TOP1: variants seen among roughly 807,000 people sequenced by gnomAD.
The protein encoded by TOP1 is DNA topoisomerase 1.
A neutral mutation model predicts 111.1 loss-of-function variants in TOP1; 10 were observed. That is an observed-to-expected ratio of 0.09 (90% CI 0.06 to 0.15). The LOEUF is 0.15. Among genes scored for constraint, TOP1 ranks in the 10% least tolerant of loss-of-function variants. The probability of loss-of-function intolerance (pLI) is 1.00; values close to 1 mark genes in which losing one functional copy is unlikely to be tolerated. For synonymous variants in TOP1, 271 were observed against 302.9 expected, an observed-to-expected ratio of 0.89 and a Z score of 1.10; for missense variants, 474 against 926.7, an observed-to-expected ratio of 0.51 and a Z score of 6.34.
At chr20:41,059,018 G>A (rs2033509704) in intron 2 of TOP1, among the ~76,000 whole-genome samples, 1 of 152,066 alleles carries the variant, frequency 6.6e-6, no homozygotes, top group South Asian at 2.1e-4. Context: ...TCCTTTGCAG[G>A]AACATGGATG....
chr20:41,120,931 C>T (rs571924462), intron 18 of TOP1, among the ~76,000 whole-genome samples: 3 of 152,210 alleles, frequency 2.0e-5, no homozygotes, highest in African/African-American at 7.2e-5. Flanking sequence ...TTAGTAGAGA[C>T]GGGGTTTCAC....
rs904671456 is a variant in TOP1, at chr20:41,028,976, C to T, written c.-92C>T. On this transcript the variant is annotated 5_prime_UTR_variant, in exon 1 of 21. Coordinates refer to ENST00000361337, the MANE Select transcript of TOP1 (RefSeq NM_003286.4). ...GCTTACCTGCGCCTCCTCGAGCCTC[C>T]GGAGTCCCCGTCCGCCCGCACAGGC... The T allele has an allele frequency of 3.5e-6, 4 of 1,141,608 alleles. No individual in the cohort carries two copies. The African/African-American group carries it at 4.8e-5, about 14-fold the overall frequency. The allele number at this position is 1,141,608 out of a possible 1,614,324, so 70.7% of individuals were successfully genotyped here.
rs1421160033 is a variant in TOP1, at chr20:41,106,596, TAAAGGTTTTACATTTAA to T, written c.1308+5247_1308+5263del. Among the ~76,000 whole-genome samples, 1 of 152,228 alleles carries T rather than the reference TAAAGGTTTTACATTTAA, an allele frequency of 6.6e-6. No individual in the cohort carries two copies. The highest frequency in any genetic ancestry group is 1.5e-5 in the Non-Finnish European group (1 of 68,026). On this transcript the variant is annotated intron_variant, in intron 13 of 20. Transcript: ENST00000361337. The surrounding 1 kb of genome is among the most constrained non-coding windows in gnomAD (Gnocchi z 4.3). ...CAATATGGTTTTGTAATTTTCTTCA[TAAAGGTTTTACATTTAA>T]AAAATTCTTATTTTTAAGTGATCTT...
At position 41,112,082 on chromosome 20, in the gene TOP1, C is replaced by T. The variant is rs1017343680; in HGVS notation, c.1309-700C>T. ...TCCCAGAAACATAGTTTCTCTCAAT[C>T]TCATCAAGAAATGCTTTTAAATGCA... On this transcript the variant is annotated intron_variant, in intron 13 of 20. Coordinates refer to ENST00000361337, the MANE Select transcript of TOP1 (RefSeq NM_003286.4). This position sits in a 1 kb window ranked among gnomAD's most constrained non-coding sequence, Gnocchi z 5.8. Among the ~76,000 whole-genome samples the T allele has an allele frequency of 1.3e-5, 2 of 152,188 alleles. No individual in the cohort carries two copies. The highest frequency in any genetic ancestry group is 2.9e-5 in the Non-Finnish European group (2 of 68,032).
At chr20:41,047,535 A>G (rs982426958) in intron 2 of TOP1, among the ~76,000 whole-genome samples, 2 of 152,252 alleles carry the variant, frequency 1.3e-5, no homozygotes, top group Admixed American at 1.3e-4. Flanking sequence ...GTTGGAGGAA[A>G]AAAATTGAAA....
rs565070534 is a variant in TOP1 at position 41,112,347 on chromosome 20, A to G, written c.1309-435A>G. On this transcript the variant is annotated intron_variant, in intron 13 of 20. Coordinates refer to ENST00000361337, the MANE Select transcript of TOP1 (RefSeq NM_003286.4). The surrounding 1 kb of genome is among the most constrained non-coding windows in gnomAD (Gnocchi z 5.8). ...GGGTGATTATGTGCTTTGTGTTGAC[A>G]GAAGTTAGTTTTTGGGACATCCCAT... 2.0e-5 allele frequency among the ~76,000 whole-genome samples: 3 copies of G among 152,252 alleles called. No individual in the cohort carries two copies. Among genetic ancestry groups the G allele is most frequent in the Non-Finnish European group, 4.4e-5 (3 of 68,046 alleles).
chr20:41,101,488 ATAGT>A lies in TOP1; in HGVS notation c.1308+139_1308+142del, dbSNP rs2145953350. On this transcript the variant is annotated intron_variant, in intron 13 of 20. Transcript: ENST00000361337. The surrounding 1 kb of genome is among the most constrained non-coding windows in gnomAD (Gnocchi z 4.1). Reference sequence around the variant, plus strand: ...CCATTGAAAGAAGGCAAGTACTTTCATAGTTAGCATTATGGTGATCTTCCTACAG... The same window carrying A: ...CCATTGAAAGAAGGCAAGTACTTTCATAGCATTATGGTGATCTTCCTACAG... The A allele has an allele frequency of 1.1e-6, 1 of 952,236 alleles. No individual in the cohort carries two copies. The highest frequency in any genetic ancestry group is 1.5e-6 in the Non-Finnish European group (1 of 654,746). The allele number at this position is 952,236 out of a possible 1,614,324, so 59.0% of individuals were successfully genotyped here.
Position 41,112,970 on chromosome 20 carries a change from A to G in TOP1, c.1452+45A>G, listed in dbSNP as rs1460883438. On this transcript the variant is annotated intron_variant, in intron 14 of 20. Coordinates refer to ENST00000361337, the MANE Select transcript of TOP1 (RefSeq NM_003286.4). This position sits in a 1 kb window ranked among gnomAD's most constrained non-coding sequence, Gnocchi z 5.8. ...GGCATTGTCTAGTGTTGAGCTTAAC[A>G]AAGGGAGTTTCTGCTCTGCCCCAGG... The G allele has an allele frequency of 2.5e-6, 4 of 1,594,648 alleles. No individual in the cohort carries two copies. The highest frequency in any genetic ancestry group is 3.4e-6 in the Non-Finnish European group (4 of 1,169,122).
intron 14 of TOP1, 91 bp from the exon 15 acceptor site, chr20:41,113,879 C>CAA (rs552197714): frequency 0.021 from 13,621 of 653,044 alleles, 51 homozygotes; most frequent in African/African-American, 0.07. Flanking sequence ...GAGACTGTCT[C>CAA]AAAAAAAAAA....
At chr20:41,075,320 T>C (rs1193788196) in intron 3 of TOP1, among the ~76,000 whole-genome samples, 3 of 152,096 alleles carry the variant, frequency 2.0e-5, no homozygotes, top group African/African-American at 7.2e-5. Context: ...TACAGGCGCC[T>C]GCCACCACGC....
chr20:41,052,449 T>C (rs1306057808), intron 2 of TOP1, among the ~76,000 whole-genome samples: 1 of 152,256 alleles, frequency 6.6e-6, no homozygotes, highest in Non-Finnish European at 1.5e-5. Flanking sequence ...TTATCTTATA[T>C]ATGCCTGATG....
chr20:41,066,881 A>C (rs1478683046), intron 3 of TOP1, among the ~76,000 whole-genome samples: 1 of 151,894 alleles, frequency 6.6e-6, no homozygotes, highest in Non-Finnish European at 1.5e-5. Context: ...TATTTTCTTC[A>C]TTCCTATAAA....
chr20:41,117,126 A>G (rs1257409305), intron 17 of TOP1, among the ~76,000 whole-genome samples: 1 of 152,136 alleles, frequency 6.6e-6, no homozygotes, highest in Non-Finnish European at 1.5e-5. Flanking sequence ...CCGAGGCAGG[A>G]GAATCACTTG....
rs1233373087 is a variant in TOP1, at chr20:41,115,729, A to G, written c.1707+290A>G. ...CTTTCCCTTCACTGAATGCCCAGCC[A>G]CCCCTGCTGGAGACCCAAAACCTGT... is the stretch of plus-strand genomic sequence containing the variant. On this transcript the variant is annotated intron_variant, in intron 16 of 20. Coordinates refer to ENST00000361337, the MANE Select transcript of TOP1 (RefSeq NM_003286.4). The surrounding 1 kb of genome is among the most constrained non-coding windows in gnomAD (Gnocchi z 6.3). 6.6e-6 allele frequency among the ~76,000 whole-genome samples: 1 copy of G among 152,084 alleles called. No individual in the cohort carries two copies. The highest frequency in any genetic ancestry group is 1.5e-5 in the Non-Finnish European group (1 of 68,004).
Position 41,122,282 on chromosome 20 carries a change from G to A in TOP1, c.2195+127G>A. On this transcript the variant is annotated intron_variant, in intron 20 of 20. Transcript: ENST00000361337. This position sits in a 1 kb window ranked among gnomAD's most constrained non-coding sequence, Gnocchi z 5.4. ...ACTTTAGTCCTCTGGGGAAACTTCT[G>A]GCTTCAGCTGTGTACAAGTTACTCT... 1 of 970,550 alleles carries A rather than the reference G, an allele frequency of 1.0e-6. No individual in the cohort carries two copies. The highest frequency in any genetic ancestry group is 1.6e-6 in the Non-Finnish European group (1 of 639,428). The allele number at this position is 970,550 out of a possible 1,614,324, so 60.1% of individuals were successfully genotyped here. A position where few individuals can be genotyped will look rare whatever the true frequency, so the allele number is the denominator to read the frequency against.
Position 41,095,269 on chromosome 20 carries a change from G to A in TOP1, c.731-1951G>A, listed in dbSNP as rs2033967836. On this transcript the variant is annotated intron_variant, in intron 9 of 20. Coordinates refer to ENST00000361337, the MANE Select transcript of TOP1 (RefSeq NM_003286.4). This position sits in a 1 kb window ranked among gnomAD's most constrained non-coding sequence, Gnocchi z 4.6. ...TTACCATGTTGGTCAAGCTGGTCTG[G>A]AACTCCTGACCTGAAGTGATCCTTG... is the stretch of plus-strand genomic sequence containing the variant. Among the ~76,000 whole-genome samples, 1 of 152,090 alleles carries A rather than the reference G, an allele frequency of 6.6e-6. No homozygotes were observed.
intron 3 of TOP1, chr20:41,072,604 A>G (rs1415550235): frequency 4.1e-6 from 4 of 985,248 alleles, no homozygotes; most frequent in Middle Eastern, 5.2e-4. Context: ...GCACATTCCT[A>G]GGAAAGATTG....
At chr20:41,043,238 A>G (rs2033290272) in intron 2 of TOP1, among the ~76,000 whole-genome samples, 1 of 152,230 alleles carries the variant, frequency 6.6e-6, no homozygotes, top group Admixed American at 6.5e-5. Context: ...TCAGATGTGC[A>G]CTGAAGTTTC....
chr20:41,123,103 G>A lies in TOP1; in HGVS notation c.2196-92G>A, dbSNP rs1600609398. On this transcript the variant is annotated intron_variant, in intron 20 of 20. Transcript: ENST00000361337. This position sits in a 1 kb window ranked among gnomAD's most constrained non-coding sequence, Gnocchi z 5.8. ...ATTTGCATCCTCACTAGACAGATGT[G>A]AAAGAGAAGATGGAACATCTGACCC... is the stretch of plus-strand genomic sequence containing the variant. 1 of 807,086 alleles carries A rather than the reference G, an allele frequency of 1.2e-6. No individual in the cohort carries two copies. Among genetic ancestry groups the A allele is most frequent in the East Asian group, 2.6e-5 (1 of 38,696 alleles). The allele number at this position is 807,086 out of a possible 1,614,324, so 50.0% of individuals were successfully genotyped here.
Sources: gnomAD v4.1 joint callset for allele counts (sites outside exome capture counted in the v4.1 genomes callset) on GRCh38, gnomAD v4.1.1 for gene constraint, Gnocchi (gnomAD v3.1) non-coding constraint, MANE v1.5 for transcripts, NCBI Gene and HGNC (gene_info 2026-07-23, HGNC 2026-07-21) for gene names.